The following CYB5R4 variants were observed in gnomAD, a reference collection of about 807,000 sequenced individuals.
CYB5R4 encodes N-terminal cytochrome b5 and cytochrome b5 oxidoreductase domain-containing protein.
A neutral mutation model predicts 70.2 loss-of-function variants in CYB5R4; 55 were observed. The ratio of observed to expected loss-of-function variants is 0.78; its 90% CI spans 0.63 to 0.98. The LOEUF (loss-of-function observed/expected upper bound fraction) is 0.98. Among genes scored for constraint, CYB5R4 ranks in the 50% least tolerant of loss-of-function variants. The pLI is 0.00. For synonymous variants in CYB5R4, 197 were observed against 199.5 expected (o/e 0.99, Z 0.11); for missense variants, 562 against 612.6 (o/e 0.92, Z 0.87).
chr6:83,956,226 C>T (rs1292957750), intron 15 of CYB5R4, among the ~76,000 whole-genome samples: 1 of 152,246 alleles, frequency 6.6e-6, no homozygotes. Context: ...TGACACAGCC[C>T]TCAGGAGGTC....
At chr6:83,874,384 G>A (rs975366694) in intron 2 of CYB5R4, among the ~76,000 whole-genome samples, 6 of 150,932 alleles carry the variant, frequency 4.0e-5, no homozygotes, top group Non-Finnish European at 7.4e-5. Flanking sequence ...TTATTTTTTT[G>A]TAGAGCCGGG....
At chr6:83,936,062 G>A (rs560105156) in intron 11 of CYB5R4, among the ~76,000 whole-genome samples, 162 bp from the exon 12 acceptor site, 2 of 152,016 alleles carry the variant, frequency 1.3e-5, no homozygotes, top group East Asian at 3.9e-4. Flanking sequence ...TAGGCTTGGG[G>A]TATATATACT....
chr6:83,958,240 A>T (rs900576453), intron 15 of CYB5R4, among the ~76,000 whole-genome samples: 2 of 152,224 alleles, frequency 1.3e-5, no homozygotes, highest in African/African-American at 4.8e-5. Flanking sequence ...TTTATTACAG[A>T]GGTTAGTAAA....
At chr6:83,866,610 GGTTT>G (rs1006852312) in intron 2 of CYB5R4, among the ~76,000 whole-genome samples, 11 of 151,582 alleles carry the variant, frequency 7.3e-5, no homozygotes, top group African/African-American at 2.4e-4. Flanking sequence ...AATTAATCAT[GGTTT>G]GTTTTTTTTT....
intron 2 of CYB5R4, among the ~76,000 whole-genome samples, chr6:83,878,801 A>G (rs2099458992): frequency 6.6e-6 from 1 of 151,262 alleles, no homozygotes; most frequent in African/African-American, 2.4e-5. Flanking sequence ...TTTGGAGTGT[A>G]TTTTGCTATT....
chr6:83,890,376 A>G (rs2099460934), intron 2 of CYB5R4, among the ~76,000 whole-genome samples: 1 of 152,172 alleles, frequency 6.6e-6, no homozygotes, highest in African/African-American at 2.4e-5. Context: ...ACAGCTAGAA[A>G]ACTAGAATTA....
intron 2 of CYB5R4, among the ~76,000 whole-genome samples, chr6:83,875,949 G>C (rs928910969): frequency 3.3e-5 from 5 of 152,156 alleles, no homozygotes; most frequent in African/African-American, 1.2e-4. Flanking sequence ...TAGCCTGGCA[G>C]GTCCCAGCCT....
At chr6:83,922,711 C>G (rs1018759606) in intron 9 of CYB5R4, among the ~76,000 whole-genome samples, 2 of 151,814 alleles carry the variant, frequency 1.3e-5, no homozygotes, top group Non-Finnish European at 2.9e-5. Context: ...GTTTGTTGTA[C>G]AGATACAAAC....
At chr6:83,952,992 T>C (rs1038310534) in intron 14 of CYB5R4, among the ~76,000 whole-genome samples, 10 of 152,148 alleles carry the variant, frequency 6.6e-5, no homozygotes, top group African/African-American at 1.9e-4. Context: ...CAGCCTCTTA[T>C]GCTGACAGAT....
At chr6:83,953,686 C>G (rs889008001) in intron 14 of CYB5R4, among the ~76,000 whole-genome samples, 1 of 151,988 alleles carries the variant, frequency 6.6e-6, no homozygotes. Flanking sequence ...GATATAAGAA[C>G]CTGATCTGGA....
intron 3 of CYB5R4, among the ~76,000 whole-genome samples, chr6:83,898,578 G>C (rs111435392): frequency 6.6e-6 from 1 of 152,172 alleles, no homozygotes; most frequent in African/African-American, 2.4e-5. Flanking sequence ...TCACGATATT[G>C]ATTCTTCCTA....
Position 83,963,193 on chromosome 6 carries a change from AAGAAC to A in CYB5R4, c.*3319_*3323del, listed in dbSNP as rs1229951640. 30 of 152,350 alleles carry A rather than the reference AAGAAC, an allele frequency of 2.0e-4. No homozygotes were observed. Among genetic ancestry groups the A allele is most frequent in the African/African-American group, 7.0e-4 (29 of 41,574 alleles). 9.4% of individuals were successfully genotyped at this position (152,350 alleles called of 1,614,324 possible). ...CATTGTGTCTACCACAGGCTATAGAAAGAACAGAGAAATTTGTCCAAGATAAGATG... is the reference window on the plus strand; with the variant it reads ...CATTGTGTCTACCACAGGCTATAGAAAGAGAAATTTGTCCAAGATAAGATG... On this transcript the variant is annotated 3_prime_UTR_variant, in exon 16 of 16. Coordinates refer to ENST00000369681, the MANE Select transcript of CYB5R4 (RefSeq NM_016230.4).
intron 4 of CYB5R4, among the ~76,000 whole-genome samples, chr6:83,912,186 G>A (rs1399951687): frequency 2.0e-5 from 3 of 151,632 alleles, no homozygotes; most frequent in Non-Finnish European, 2.9e-5. Context: ...CCCATCTACT[G>A]TTTTCCTCTC....
At chr6:83,877,743 G>T (rs560480875) in intron 2 of CYB5R4, among the ~76,000 whole-genome samples, 1 of 152,262 alleles carries the variant, frequency 6.6e-6, no homozygotes, top group Non-Finnish European at 1.5e-5. Context: ...AGTTTGGAGG[G>T]GACAAATGTC....
Position 83,954,915 on chromosome 6 carries a change from G to GTT in CYB5R4, c.1347-373_1347-372dup, listed in dbSNP as rs567638162. On this transcript the variant is annotated intron_variant, in intron 14 of 15. Coordinates refer to ENST00000369681, the MANE Select transcript of CYB5R4 (RefSeq NM_016230.4). ...TTTTTTTTGTTGTTGTTGTTTTTGGGTTTTTTTTTTTGTAGAAACTAGGTC... is the reference window on the plus strand; with the variant it reads ...TTTTTTTTGTTGTTGTTGTTTTTGGGTTTTTTTTTTTTTGTAGAAACTAGGTC... Among the ~76,000 whole-genome samples, 122 of 145,946 alleles carry GTT rather than the reference G, an allele frequency of 8.4e-4. 2 individuals carry two copies. The highest frequency in any genetic ancestry group is 4.8e-3 in the South Asian group (22 of 4,622).
chr6:83,942,121 G>A (rs56081819), intron 14 of CYB5R4, among the ~76,000 whole-genome samples: 6,396 of 152,158 alleles, frequency 0.042, 462 homozygotes, highest in African/African-American at 0.15. Context: ...TGTCTTCACC[G>A]TTAGAGCTTC....
At position 83,882,524 on chromosome 6, in the gene CYB5R4, A is replaced by G. The variant is rs747107466; in HGVS notation, c.230-10998A>G. Reference sequence around the variant, plus strand: ...CTTTGCAGGAATATTACAGAATCCAAAGTTTCTACAACATATTTATAAGGT... The same window carrying G: ...CTTTGCAGGAATATTACAGAATCCAGAGTTTCTACAACATATTTATAAGGT... On this transcript the variant is annotated intron_variant, in intron 2 of 15. Coordinates refer to ENST00000369681, the MANE Select transcript of CYB5R4 (RefSeq NM_016230.4). Among the ~76,000 whole-genome samples the G allele has an allele frequency of 2.6e-5, 4 of 152,150 alleles. No individual in the cohort carries two copies. In the East Asian group the frequency reaches 5.8e-4, roughly 22 times the overall value.
At chr6:83,928,380 A>G (rs1029820580) in intron 10 of CYB5R4, among the ~76,000 whole-genome samples, 8 of 152,212 alleles carry the variant, frequency 5.3e-5, no homozygotes, top group African/African-American at 1.4e-4. Flanking sequence ...TATACAGTAC[A>G]AACTAAACAT....
chr6:83,929,721 C>T (rs1343929210), intron 10 of CYB5R4, among the ~76,000 whole-genome samples: 1 of 152,038 alleles, frequency 6.6e-6, no homozygotes, highest in Non-Finnish European at 1.5e-5. Flanking sequence ...AATTGAATTG[C>T]TATTTCTATA....
Sources: allele counts gnomAD v4.1 joint callset (sites outside exome capture counted in the v4.1 genomes callset), GRCh38; gene constraint gnomAD v4.1.1; transcripts MANE v1.5; gene names NCBI Gene and HGNC (gene_info 2026-07-23, HGNC 2026-07-21).